The following LYPD6B variants were observed in gnomAD, a reference collection of about 807,000 sequenced individuals.
LYPD6B encodes ly6/PLAUR domain-containing protein 6B.
A neutral mutation model predicts 22.8 loss-of-function variants in LYPD6B; 17 were observed. The ratio of observed to expected loss-of-function variants is 0.75; its 90% CI spans 0.51 to 1.12. The LOEUF is 1.12. Ranked by LOEUF, LYPD6B falls within the 50% of genes most tolerant of loss-of-function variation. The pLI, the probability that LYPD6B is intolerant of heterozygous loss-of-function variation, is 0.00. For missense variants in LYPD6B, 221 were observed against 258.3 expected (o/e 0.86, Z 0.99); for synonymous variants, 106 against 91.6 (o/e 1.16, Z -0.90).
rs373081770 is a variant in LYPD6B at position 149,167,053 on chromosome 2, T to C, written c.77+6218T>C. 3.7e-4 allele frequency among the ~76,000 whole-genome samples: 56 copies of C among 151,152 alleles called. No homozygotes were observed. In the South Asian group the frequency reaches 4.0e-3, roughly 11 times the overall value. The stretch of plus-strand genomic sequence containing the variant: ...GTTTATAATCCTCTTCTGCATTAAG[T>C]GTTTTTTTTTTTTCTCTTGTGGATG... On this transcript the variant is annotated intron_variant, in intron 3 of 6. Coordinates refer to ENST00000409642, the MANE Select transcript of LYPD6B (RefSeq NM_177964.5).
chr2:149,134,074 T>C (rs1344039286), intron 2 of LYPD6B, among the ~76,000 whole-genome samples: 2 of 152,196 alleles, frequency 1.3e-5, no homozygotes, highest in East Asian at 3.9e-4. Flanking sequence ...TGGGGAATGC[T>C]GGCGGTATTA....
At chr2:149,135,719 CAAAAAAAAA>C (rs386391471) in intron 2 of LYPD6B, among the ~76,000 whole-genome samples, 56 of 32,248 alleles carry the variant, frequency 1.7e-3, no homozygotes, top group African/African-American at 5.5e-3. Flanking sequence ...GACCATGTCT[CAAAAAAAAA>C]AAAAAAAAAA....
At chr2:149,160,864 T>A in intron 3 of LYPD6B, 29 bp downstream of exon 3, 4 of 1,499,450 alleles carry the variant, frequency 2.7e-6, no homozygotes, top group Non-Finnish European at 1.8e-6. Flanking sequence ...ACAACAGCCC[T>A]CGGCTTTTCA....
chr2:149,070,769 T>G (rs192055161), intron 1 of LYPD6B, among the ~76,000 whole-genome samples: 20 of 152,212 alleles, frequency 1.3e-4, no homozygotes, highest in Admixed American at 5.2e-4. Context: ...TCATAGGAAG[T>G]AAACTCTCAT....
intron 1 of LYPD6B, among the ~76,000 whole-genome samples, chr2:149,059,847 G>A (rs1683991932): frequency 6.6e-6 from 1 of 152,210 alleles, no homozygotes; most frequent in Admixed American, 6.5e-5. Flanking sequence ...CTGTGCACTT[G>A]CCTGGGGACA....
At position 149,213,016 on chromosome 2, in the gene LYPD6B, A is replaced by G. The variant is rs1693971069; in HGVS notation, c.353A>G (p.His118Arg). 6 of 1,613,978 alleles carry G rather than the reference A, an allele frequency of 3.7e-6. No homozygotes were observed. The highest frequency in any genetic ancestry group is 2.2e-5 in the East Asian group (1 of 44,880). Residue 118 changes from histidine to arginine, a missense_variant, in exon 6 of 7, where the codon CAT (histidine) becomes CGT (arginine). By Grantham distance (29) the His-to-Arg change is conservative (BLOSUM62 0). Coordinates refer to ENST00000409642, the MANE Select transcript of LYPD6B (RefSeq NM_177964.5). The stretch of plus-strand genomic sequence containing the variant: ...GATACACAGTACTGTTTGACAGTTC[A>G]TCACTTCACCAGCCACGGAAGAAGC... ...PQNTQYCLTV[H>R]HFTSHGRSTS...
intron 1 of LYPD6B, chr2:149,068,503 A>G (rs1684445107): frequency 8.0e-6 from 2 of 251,020 alleles, no homozygotes; most frequent in South Asian, 5.3e-5. Context: ...GCAGTTGGGT[A>G]TATAGTCTCC....
intron 3 of LYPD6B, among the ~76,000 whole-genome samples, chr2:149,179,910 C>A (rs1196204215): frequency 6.6e-6 from 1 of 152,128 alleles, no homozygotes; most frequent in East Asian, 1.9e-4. Flanking sequence ...TAAGTTAAAA[C>A]CAAAACAGCC....
At chr2:149,114,946 T>C (rs556537693) in intron 1 of LYPD6B, among the ~76,000 whole-genome samples, 105 of 152,194 alleles carry the variant, frequency 6.9e-4, no homozygotes, top group African/African-American at 2.4e-3. Context: ...TTTAAATTAT[T>C]ATTATTATTT....
intron 2 of LYPD6B, among the ~76,000 whole-genome samples, chr2:149,140,780 T>C (rs1225120708): frequency 6.6e-6 from 1 of 152,210 alleles, no homozygotes; most frequent in Admixed American, 6.5e-5. Flanking sequence ...ATAAATTCTT[T>C]CTCTCCATCT....
intron 1 of LYPD6B, among the ~76,000 whole-genome samples, chr2:149,072,202 C>T (rs548497635): frequency 6.6e-5 from 10 of 152,240 alleles, no homozygotes; most frequent in African/African-American, 2.2e-4. Context: ...TATGTTTTAC[C>T]ATTTCTTGAC....
At chr2:149,208,032 A>G (rs996502771) in intron 4 of LYPD6B, among the ~76,000 whole-genome samples, 3 of 152,088 alleles carry the variant, frequency 2.0e-5, no homozygotes, top group African/African-American at 7.2e-5. Flanking sequence ...CCAAATTATA[A>G]ATGATAATAG....
intron 3 of LYPD6B, among the ~76,000 whole-genome samples, chr2:149,181,374 A>T (rs747177959): frequency 1.3e-5 from 2 of 152,182 alleles, no homozygotes; most frequent in African/African-American, 2.4e-5. Flanking sequence ...CCTTGTAGCC[A>T]GAGTCGTTCA....
intron 3 of LYPD6B, among the ~76,000 whole-genome samples, chr2:149,203,895 C>A (rs1217269903): frequency 6.6e-6 from 1 of 152,180 alleles, no homozygotes; most frequent in East Asian, 1.9e-4. Context: ...AATCAGTATA[C>A]CCACAATAAG....
chr2:149,089,990 A>G (rs1685577157), intron 1 of LYPD6B, among the ~76,000 whole-genome samples: 1 of 152,208 alleles, frequency 6.6e-6, no homozygotes, highest in Non-Finnish European at 1.5e-5. Flanking sequence ...TTCTTCCTCT[A>G]TTAAATGCAT....
intron 3 of LYPD6B, among the ~76,000 whole-genome samples, chr2:149,168,071 G>A (rs35727038): frequency 0.18 from 26,825 of 151,622 alleles, 2,527 homozygotes; most frequent in East Asian, 0.36. Context: ...TTAGCCAGAC[G>A]CAGGGGCATT....
intron 3 of LYPD6B, among the ~76,000 whole-genome samples, chr2:149,180,215 C>T (rs1033318521): frequency 1.3e-4 from 20 of 152,142 alleles, no homozygotes; most frequent in Non-Finnish European, 2.2e-4. Flanking sequence ...GATTCGAATA[C>T]AAAAAGACAG....
intron 1 of LYPD6B, among the ~76,000 whole-genome samples, chr2:149,055,549 C>T (rs1362900215): frequency 6.6e-6 from 1 of 152,166 alleles, no homozygotes; most frequent in Admixed American, 6.5e-5. Context: ...GGTCTTCTTT[C>T]ATTCCTTTCA....
At position 149,208,446 on chromosome 2, in the gene LYPD6B, C is replaced by G. The variant is rs185039467; in HGVS notation, c.328+34C>G. ...GCTGAGTTTGGAAGACTTCTGTGATCTCATTTCATTTGAATCTCTCCTGAC... is the reference window on the plus strand; with the variant it reads ...GCTGAGTTTGGAAGACTTCTGTGATGTCATTTCATTTGAATCTCTCCTGAC... On this transcript the variant is annotated intron_variant, in intron 5 of 6. Transcript: ENST00000409642. 4.6e-4 allele frequency: 683 copies of G among 1,488,974 alleles called. 3 individuals carry two copies. The African/African-American group carries it at 8.3e-3, about 18-fold the overall frequency. 92.2% of individuals were successfully genotyped at this position (1,488,974 alleles called of 1,614,324 possible).
Sources: gnomAD v4.1 joint callset for allele counts (sites outside exome capture counted in the v4.1 genomes callset) on GRCh38, gnomAD v4.1.1 for gene constraint, MANE v1.5 for transcripts, NCBI Gene and HGNC (gene_info 2026-07-23, HGNC 2026-07-21) for gene names.